SIPA1L1: variants seen among roughly 807,000 people sequenced by gnomAD.
SIPA1L1 encodes signal-induced proliferation-associated 1-like protein 1.
A neutral mutation model predicts 162.7 loss-of-function variants in SIPA1L1; 26 were observed. That is an observed-to-expected ratio of 0.16 (90% CI 0.12 to 0.22). SIPA1L1 has a LOEUF of 0.22. Ranked by LOEUF, SIPA1L1 falls within the 10% of genes least tolerant of loss-of-function variation. The pLI is 1.00. For synonymous variants in SIPA1L1, 829 were observed against 837.4 expected (o/e 0.99, Z 0.17); for missense variants, 1,874 against 2,241.0 (o/e 0.84, Z 3.31).
At chr14:71,605,913 G>C (rs904091592) in intron 5 of SIPA1L1, among the ~76,000 whole-genome samples, 8 of 152,092 alleles carry the variant, frequency 5.3e-5, no homozygotes, top group African/African-American at 1.9e-4. Flanking sequence ...TGGAGTCCTG[G>C]GCCCTGGGAA....
At chr14:71,501,652 G>A (rs934072358) in intron 2 of SIPA1L1, among the ~76,000 whole-genome samples, 1 of 152,052 alleles carries the variant, frequency 6.6e-6, no homozygotes, top group African/African-American at 2.4e-5. Context: ...TACAGTGGTC[G>A]GTTCAGTTTC....
rs765106790 is a variant in SIPA1L1, at chr14:71,446,894, G to GTTTTTTTTTTTTTTTT, written c.-464-65838_-464-65837insTTTTTTTTTTTTTTTT. 3.0e-4 allele frequency among the ~76,000 whole-genome samples: 26 copies of GTTTTTTTTTTTTTTTT among 87,404 alleles called. 3 individuals are homozygous for GTTTTTTTTTTTTTTTT. Among genetic ancestry groups the GTTTTTTTTTTTTTTTT allele is most frequent in the East Asian group, 8.2e-4 (2 of 2,448 alleles). The allele number at this position is 87,404 out of a possible 152,430, so 57.3% of individuals were successfully genotyped here. ...CTGCAAATAAAGAGAGATGGGCTCT[G>GTTTTTTTTTTTTTTTT]TTTTTTTTTTTGTTTTTTTTTTTTT... On this transcript the variant is annotated intron_variant, in intron 2 of 23. Coordinates refer to ENST00000381232, the MANE Select transcript of SIPA1L1 (RefSeq NM_001386936.1).
rs565144160 is a variant in SIPA1L1 at position 71,620,941 on chromosome 14, A to G, written c.1629+2054A>G. 8.9e-4 allele frequency among the ~76,000 whole-genome samples: 135 copies of G among 152,208 alleles called. 1 individual carries two copies. The highest frequency in any genetic ancestry group is 8.8e-3 in the Admixed American group (134 of 15,290). ...AAGTCAAGTGTTCAAAAAAACCATTACCACTTGTTTTTTACGTTCAAATTA... is the reference window on the plus strand; with the variant it reads ...AAGTCAAGTGTTCAAAAAAACCATTGCCACTTGTTTTTTACGTTCAAATTA... On this transcript the variant is annotated intron_variant, in intron 6 of 23. Coordinates refer to ENST00000381232, the MANE Select transcript of SIPA1L1 (RefSeq NM_001386936.1).
At chr14:71,590,044 A>AAAAAAAT (rs1555468763) in intron 5 of SIPA1L1, among the ~76,000 whole-genome samples, 2 of 59,584 alleles carry the variant, frequency 3.4e-5, no homozygotes, top group African/African-American at 8.5e-5. Context: ...AAAAAAAAAA[A>AAAAAAAT]ATATATATAT....
intron 12 of SIPA1L1, among the ~76,000 whole-genome samples, chr14:71,682,299 T>C (rs971310725): frequency 4.6e-5 from 7 of 152,218 alleles, no homozygotes; most frequent in Non-Finnish European, 8.8e-5. Flanking sequence ...TAGAATGATA[T>C]AATAAAAATC....
chr14:71,412,083 A>G (rs2042445935), intron 2 of SIPA1L1, among the ~76,000 whole-genome samples: 1 of 152,226 alleles, frequency 6.6e-6, no homozygotes, highest in African/African-American at 2.4e-5. Context: ...CGAAGTACAT[A>G]TTTTGAGTGT....
chr14:71,736,286 A>G (rs2085282948), intron 22 of SIPA1L1, among the ~76,000 whole-genome samples: 1 of 152,132 alleles, frequency 6.6e-6, no homozygotes, highest in African/African-American at 2.4e-5. Flanking sequence ...AGTCCTAGCT[A>G]CTCGGGAAGC....
chr14:71,439,974 G>A (rs2044703075), intron 2 of SIPA1L1, among the ~76,000 whole-genome samples: 1 of 152,140 alleles, frequency 6.6e-6, no homozygotes, highest in South Asian at 2.1e-4. Flanking sequence ...ACAGGGAAAG[G>A]ATTGGAAGAA....
At chr14:71,727,451 T>A (rs1338546365) in intron 19 of SIPA1L1, among the ~76,000 whole-genome samples, 4 of 151,970 alleles carry the variant, frequency 2.6e-5, no homozygotes, top group African/African-American at 9.6e-5. Context: ...TTTTTTTTTT[T>A]TAAATCACAC....
At chr14:71,407,336 T>C (rs1270785016) in intron 2 of SIPA1L1, among the ~76,000 whole-genome samples, 1 of 152,264 alleles carries the variant, frequency 6.6e-6, no homozygotes, top group African/African-American at 2.4e-5. Flanking sequence ...TGCTTTGATA[T>C]ACTGTAGACA....
intron 19 of SIPA1L1, among the ~76,000 whole-genome samples, chr14:71,729,791 G>A (rs926236628): frequency 1.3e-5 from 2 of 152,204 alleles, no homozygotes; most frequent in Non-Finnish European, 2.9e-5. Flanking sequence ...AACCACACAC[G>A]ATCTTGATAG....
chr14:71,457,499 A>C (rs1468754875), intron 2 of SIPA1L1, among the ~76,000 whole-genome samples: 1 of 151,734 alleles, frequency 6.6e-6, no homozygotes, highest in African/African-American at 2.4e-5. Flanking sequence ...GGGTTTCACT[A>C]TATTGGCCAA....
At chr14:71,393,625 T>C (rs1378887747) in intron 2 of SIPA1L1, among the ~76,000 whole-genome samples, 1 of 151,992 alleles carries the variant, frequency 6.6e-6, no homozygotes, top group Non-Finnish European at 1.5e-5. Flanking sequence ...TTGGGCAACA[T>C]AGCAAAACCT....
intron 4 of SIPA1L1, among the ~76,000 whole-genome samples, chr14:71,533,292 A>G (rs1377873776): frequency 2.0e-5 from 3 of 152,246 alleles, no homozygotes; most frequent in African/African-American, 7.2e-5. Flanking sequence ...GAAGGCATTT[A>G]TAAGTCACTT....
At chr14:71,722,207 G>A (rs1187490671) in intron 17 of SIPA1L1, among the ~76,000 whole-genome samples, 2 of 152,196 alleles carry the variant, frequency 1.3e-5, no homozygotes, top group Admixed American at 1.3e-4. Flanking sequence ...GATGTGACAA[G>A]CAGGTATTGT....
chr14:71,553,592 C>G (rs1462606856), intron 4 of SIPA1L1, among the ~76,000 whole-genome samples: 1 of 152,144 alleles, frequency 6.6e-6, no homozygotes, highest in African/African-American at 2.4e-5. Context: ...GAAATGCTAA[C>G]AGTATAATTT....
intron 2 of SIPA1L1, among the ~76,000 whole-genome samples, chr14:71,397,609 G>C (rs2041312856): frequency 6.6e-6 from 1 of 152,070 alleles, no homozygotes; most frequent in Non-Finnish European, 1.5e-5. Flanking sequence ...CTGCCTGCAG[G>C]CTAAGTTAAG....
intron 2 of SIPA1L1, among the ~76,000 whole-genome samples, chr14:71,345,053 G>A (rs2036019832): frequency 6.6e-6 from 1 of 152,084 alleles, no homozygotes; most frequent in Admixed American, 6.6e-5. Flanking sequence ...TTTTCCCCTG[G>A]GTGTCTGGGG....
rs1371316489 is a variant in SIPA1L1 at position 71,371,560 on chromosome 14, G to A, written c.-465+50379G>A. 1.5e-4 allele frequency among the ~76,000 whole-genome samples: 18 copies of A among 121,382 alleles called. 1 individual carries two copies. 79.6% of individuals were successfully genotyped at this position (121,382 alleles called of 152,430 possible). On this transcript the variant is annotated intron_variant, in intron 2 of 23. Coordinates refer to ENST00000381232, the MANE Select transcript of SIPA1L1 (RefSeq NM_001386936.1). ...GTATCACCATGCCTGGCTAATTTTT[G>A]TTTTGTTTTGTTTTGTTTTGGTTGG...
Sources: gnomAD v4.1 joint callset for allele counts (sites outside exome capture counted in the v4.1 genomes callset) on GRCh38, gnomAD v4.1.1 for gene constraint, MANE v1.5 for transcripts, NCBI Gene and HGNC (gene_info 2026-07-23, HGNC 2026-07-21) for gene names.